The following SCAND3 variants were observed in gnomAD, a reference collection of about 807,000 sequenced individuals.
SCAND3 encodes the protein SCAN domain containing 3, also known as SCAN domain-containing protein 3.
chr6:28,573,344 T>C, the SCAND3 span: 2 of 1,614,042 alleles, frequency 1.2e-6, no homozygotes, highest in Non-Finnish European at 1.7e-6. Flanking sequence ...CAAACTTCTT[T>C]GATGCAGTCT....
At chr6:28,612,770 G>A in the SCAND3 span, among the ~76,000 whole-genome samples, 1 of 152,188 alleles carries the variant, frequency 6.6e-6, no homozygotes, top group Non-Finnish European at 1.5e-5. Context: ...CCACACACAT[G>A]TAACAGTGGT....
At chr6:28,597,428 T>C in the SCAND3 span, among the ~76,000 whole-genome samples, 1 of 152,026 alleles carries the variant, frequency 6.6e-6, no homozygotes, top group Non-Finnish European at 1.5e-5. Context: ...CGTCACATGC[T>C]AAGCGTGGCA....
chr6:28,586,597 G>T, the SCAND3 span: 1 of 1,614,172 alleles, frequency 6.2e-7, no homozygotes, highest in South Asian at 1.1e-5. The surrounding 1 kb of genome is among the most constrained non-coding windows in gnomAD (Gnocchi z 4.4). Context: ...AAATTCCTAC[G>T]TAGGGCTGAT....
the SCAND3 span, chr6:28,574,895 C>T: frequency 6.2e-7 from 1 of 1,613,854 alleles, no homozygotes; most frequent in African/African-American, 1.3e-5. Context: ...TCACAAACTA[C>T]ACAGGATAAA....
chr6:28,600,899 C>CTT, the SCAND3 span, among the ~76,000 whole-genome samples: 585 of 119,652 alleles, frequency 4.9e-3, 24 homozygotes, highest in African/African-American at 0.016. Context: ...CAACATGTGC[C>CTT]TTTTTTTTTT....
the SCAND3 span, chr6:28,574,985 C>A: frequency 1.2e-6 from 2 of 1,613,724 alleles, no homozygotes; most frequent in Non-Finnish European, 1.7e-6. Flanking sequence ...TCACTACTGT[C>A]TGTTCCAGTC....
chr6:28,610,698 G>C, the SCAND3 span, among the ~76,000 whole-genome samples: 1 of 152,178 alleles, frequency 6.6e-6, no homozygotes, highest in African/African-American at 2.4e-5. Context: ...AGATTCTACA[G>C]TATATAGTAT....
At chr6:28,586,396 G>A in the SCAND3 span, 1 of 1,614,156 alleles carries the variant, frequency 6.2e-7, no homozygotes, top group Non-Finnish European at 8.5e-7. This position sits in a 1 kb window ranked among gnomAD's most constrained non-coding sequence, Gnocchi z 4.4. Flanking sequence ...CAAGACTGGA[G>A]CTCCTCAGGC....
the SCAND3 span, among the ~76,000 whole-genome samples, chr6:28,592,354 A>G: frequency 6.6e-6 from 1 of 152,314 alleles, no homozygotes; most frequent in Admixed American, 6.5e-5. The surrounding 1 kb of genome is among the most constrained non-coding windows in gnomAD (Gnocchi z 4.1). Context: ...AAAACAAAAT[A>G]AAATACTTGG....
At chr6:28,606,905 T>A in the SCAND3 span, among the ~76,000 whole-genome samples, 2 of 152,170 alleles carry the variant, frequency 1.3e-5, no homozygotes, top group African/African-American at 4.8e-5. Flanking sequence ...TTTGGCCTCC[T>A]GGGGCCTTAT....
At chr6:28,575,613 T>G in the SCAND3 span, 1 of 1,614,010 alleles carries the variant, frequency 6.2e-7, no homozygotes, top group Non-Finnish European at 8.5e-7. This position sits in a 1 kb window ranked among gnomAD's most constrained non-coding sequence, Gnocchi z 4.2. Flanking sequence ...TTGATTTTGA[T>G]GTTAGAACCT....
the SCAND3 span, among the ~76,000 whole-genome samples, chr6:28,598,970 A>G: frequency 5.9e-5 from 9 of 151,954 alleles, no homozygotes; most frequent in Non-Finnish European, 1.3e-4. Flanking sequence ...CCTTTTCTAC[A>G]TACTAGCAAT....
chr6:28,598,876 C>CAAAAAAAAAAAAAAA, the SCAND3 span, among the ~76,000 whole-genome samples: 8 of 74,268 alleles, frequency 1.1e-4, no homozygotes, highest in South Asian at 5.7e-4. Flanking sequence ...GACTATGTCT[C>CAAAAAAAAAAAAAAA]AAAAAAAAAA....
At chr6:28,573,160 G>C in the SCAND3 span, 16 of 1,613,132 alleles carry the variant, frequency 9.9e-6, no homozygotes, top group East Asian at 1.8e-4. Flanking sequence ...TATCATGTTA[G>C]CAATATCTCT....
chr6:28,609,331 A>ACT, the SCAND3 span, among the ~76,000 whole-genome samples: 1 of 152,152 alleles, frequency 6.6e-6, no homozygotes, highest in South Asian at 2.1e-4. Flanking sequence ...AAACATATAC[A>ACT]CTCATACACA....
At chr6:28,608,884 T>C in the SCAND3 span, among the ~76,000 whole-genome samples, 1 of 151,988 alleles carries the variant, frequency 6.6e-6, no homozygotes, top group African/African-American at 2.4e-5. Context: ...AGCTAGCTAC[T>C]TGGGAGGCTG....
the SCAND3 span, among the ~76,000 whole-genome samples, chr6:28,595,329 TC>T: frequency 8.3e-5 from 1 of 12,108 alleles, no homozygotes; most frequent in Admixed American, 1.5e-3. Flanking sequence ...AAACCCAGTC[TC>T]AAAAAAAAAA....
chr6:28,600,233 C>T, the SCAND3 span, among the ~76,000 whole-genome samples: 6 of 152,096 alleles, frequency 3.9e-5, no homozygotes, highest in South Asian at 2.1e-4. Flanking sequence ...AGAAAACAAA[C>T]GACCCAGTTA....
the SCAND3 span, among the ~76,000 whole-genome samples, chr6:28,577,609 A>G: frequency 6.6e-6 from 1 of 152,190 alleles, no homozygotes; most frequent in African/African-American, 2.4e-5. Context: ...ATCTTAACAT[A>G]TATCCCTAAG....
Sources: gnomAD v4.1 joint callset for allele counts (sites outside exome capture counted in the v4.1 genomes callset) on GRCh38, gnomAD v4.1.1 for gene constraint, Gnocchi (gnomAD v3.1) non-coding constraint, MANE v1.5 for transcripts, NCBI Gene and HGNC (gene_info 2026-07-23, HGNC 2026-07-21) for gene names.